Variants in GRM5 observed in about 807,000 individuals in gnomAD.
GRM5 encodes the protein glutamate metabotropic receptor 5, also known as metabotropic glutamate receptor 5.
In GRM5, 19 loss-of-function variants were observed where a neutral mutation model predicts 83.1. The observed-to-expected ratio is 0.23, with a 90% CI of 0.16 to 0.34. GRM5 has a LOEUF of 0.34. GRM5 is among the 10% of genes least tolerant of loss of function. The pLI is 1.00. For missense variants in GRM5, 1,160 were observed against 1,588.3 expected (o/e 0.73, Z 4.58); for synonymous variants, 675 against 633.6 (o/e 1.07, Z -0.98).
intron 4 of GRM5, among the ~76,000 whole-genome samples, chr11:88,607,769 C>T (rs1938198249): frequency 6.6e-6 from 1 of 152,198 alleles, no homozygotes; most frequent in Non-Finnish European, 1.5e-5. Context: ...CCTCTGAGCC[C>T]TTGTAATTGC....
intron 2 of GRM5, among the ~76,000 whole-genome samples, chr11:88,933,840 TA>T (rs2135652405): frequency 6.6e-6 from 1 of 151,928 alleles, no homozygotes; most frequent in Non-Finnish European, 1.5e-5. Flanking sequence ...CTGCAGATAA[TA>T]AAATTACTCC....
intron 3 of GRM5, among the ~76,000 whole-genome samples, chr11:88,787,433 G>C (rs941161592): frequency 2.6e-5 from 4 of 152,098 alleles, no homozygotes; most frequent in Non-Finnish European, 5.9e-5. Context: ...AAGGTTGTAG[G>C]AGACATGATA....
At chr11:88,566,715 C>T (rs147150249) in intron 8 of GRM5, among the ~76,000 whole-genome samples, 1 of 152,106 alleles carries the variant, frequency 6.6e-6, no homozygotes, top group East Asian at 1.9e-4. Flanking sequence ...TAGAATTTAA[C>T]CCACAGTATA....
At chr11:89,050,950 G>A (rs1941745323) in intron 1 of GRM5, among the ~76,000 whole-genome samples, 1 of 152,170 alleles carries the variant, frequency 6.6e-6, no homozygotes, top group Admixed American at 6.5e-5. Context: ...TCTGGGGCCT[G>A]CTGGAGGGTG....
At chr11:88,623,427 G>C (rs1252634825) in intron 4 of GRM5, among the ~76,000 whole-genome samples, 1 of 152,234 alleles carries the variant, frequency 6.6e-6, no homozygotes, top group African/African-American at 2.4e-5. Flanking sequence ...ACCGTGCCCG[G>C]CCAGAGACCA....
At chr11:89,023,323 T>C (rs182567419) in intron 2 of GRM5, among the ~76,000 whole-genome samples, 2 of 152,248 alleles carry the variant, frequency 1.3e-5, no homozygotes, top group East Asian at 3.9e-4. Context: ...ACTCTTCTTC[T>C]GCTCTCTTCT....
intron 3 of GRM5, among the ~76,000 whole-genome samples, chr11:88,743,992 A>C (rs1336752775): frequency 6.6e-6 from 1 of 152,184 alleles, no homozygotes; most frequent in Admixed American, 6.6e-5. Flanking sequence ...AATGATACAA[A>C]GGTTGCTGAA....
chr11:88,672,169 T>C (rs1014077386), intron 3 of GRM5, among the ~76,000 whole-genome samples: 12 of 151,848 alleles, frequency 7.9e-5, no homozygotes, highest in African/African-American at 2.9e-4. Context: ...AAACCGATTA[T>C]AGCTAACATT....
chr11:88,761,183 A>T (rs1382023559), intron 3 of GRM5, among the ~76,000 whole-genome samples: 2 of 152,116 alleles, frequency 1.3e-5, no homozygotes, highest in Admixed American at 6.6e-5. Flanking sequence ...TCACCATAGT[A>T]TTCGAAGTCC....
chr11:88,908,455 C>A (rs560725817), intron 2 of GRM5, among the ~76,000 whole-genome samples: 11 of 152,224 alleles, frequency 7.2e-5, no homozygotes, highest in African/African-American at 2.2e-4. Flanking sequence ...TTTCTTTCCT[C>A]TGCACCACCT....
At position 88,635,876 on chromosome 11, in the gene GRM5, G is replaced by A. The variant is rs57032335; in HGVS notation, c.1147+17292C>T. Among the ~76,000 whole-genome samples the A allele has an allele frequency of 5.9e-3, 896 of 152,246 alleles. 12 individuals are homozygous for A. The East Asian group carries it at 0.066, about 11-fold the overall frequency. The stretch of plus-strand genomic sequence containing the variant: ...GATTCTCGTCTATGGTGTGAAGTAA[G>A]GGTCCAATTTTATTTTTCCACATGT... On this transcript the variant is annotated intron_variant, in intron 4 of 9. Coordinates refer to ENST00000305447, the MANE Select transcript of GRM5 (RefSeq NM_001143831.3).
At chr11:88,947,243 G>T (rs1938309854) in intron 2 of GRM5, among the ~76,000 whole-genome samples, 2 of 151,934 alleles carry the variant, frequency 1.3e-5, no homozygotes, top group South Asian at 4.2e-4. Flanking sequence ...TTAATATTTT[G>T]CTGTTCTTGC....
intron 3 of GRM5, among the ~76,000 whole-genome samples, chr11:88,747,964 T>C (rs1452992981): frequency 3.3e-5 from 5 of 152,124 alleles, no homozygotes; most frequent in Non-Finnish European, 7.3e-5. Flanking sequence ...ACATTGGGAT[T>C]GACTAGGCAA....
intron 3 of GRM5, among the ~76,000 whole-genome samples, chr11:88,847,645 T>C (rs1450091082): frequency 6.6e-6 from 1 of 152,022 alleles, no homozygotes; most frequent in African/African-American, 2.4e-5. Flanking sequence ...AGTTTTAAAA[T>C]TTGGAGTAAG....
intron 3 of GRM5, among the ~76,000 whole-genome samples, chr11:88,760,301 T>A (rs1942485029): frequency 6.7e-6 from 1 of 148,552 alleles, no homozygotes; most frequent in Admixed American, 6.8e-5. Flanking sequence ...TTTTCAGAAA[T>A]ATTATAAAAT....
At chr11:88,671,068 A>G (rs1940181054) in intron 3 of GRM5, among the ~76,000 whole-genome samples, 1 of 151,930 alleles carries the variant, frequency 6.6e-6, no homozygotes, top group Non-Finnish European at 1.5e-5. Flanking sequence ...TCACCTTAAT[A>G]AAAAACCATC....
At chr11:88,540,360 T>C (rs1942237942) in intron 8 of GRM5, among the ~76,000 whole-genome samples, 1 of 152,230 alleles carries the variant, frequency 6.6e-6, no homozygotes, top group South Asian at 2.1e-4. Context: ...AAGCTTAGTT[T>C]CCATTTATTT....
At chr11:88,636,239 C>G (rs6483326) in intron 4 of GRM5, among the ~76,000 whole-genome samples, 2 of 152,040 alleles carry the variant, frequency 1.3e-5, no homozygotes, top group African/African-American at 4.8e-5. Flanking sequence ...CTGCCAGGCA[C>G]GGTGGCTCAC....
chr11:88,582,113 T>C (rs1051463945), intron 7 of GRM5, among the ~76,000 whole-genome samples: 1 of 152,200 alleles, frequency 6.6e-6, no homozygotes, highest in African/African-American at 2.4e-5. Context: ...GTTCCTACAC[T>C]ATGGCAGGGA....
Sources: gnomAD v4.1 joint callset for allele counts (sites outside exome capture counted in the v4.1 genomes callset) on GRCh38, gnomAD v4.1.1 for gene constraint, MANE v1.5 for transcripts, NCBI Gene and HGNC (gene_info 2026-07-23, HGNC 2026-07-21) for gene names.